The following SLC37A3 variants were observed in gnomAD, a reference collection of about 807,000 sequenced individuals.
SLC37A3 encodes the protein solute carrier family 37 member 3.
In SLC37A3, 51 loss-of-function variants were observed where a neutral mutation model predicts 67.1. The observed-to-expected ratio is 0.76, with a 90% CI of 0.61 to 0.96. The LOEUF is 0.96. Among genes scored for constraint, SLC37A3 ranks in the 40% least tolerant of loss-of-function variants. The probability of loss-of-function intolerance (pLI) is 0.00; values close to 1 mark genes in which losing one functional copy is unlikely to be tolerated. For missense variants in SLC37A3, 508 were observed against 603.0 expected (o/e 0.84, Z 1.65); for synonymous variants, 214 against 231.4 (o/e 0.92, Z 0.68).
chr7:140,355,457 G>A (rs770384954), intron 7 of SLC37A3, among the ~76,000 whole-genome samples: 4 of 150,950 alleles, frequency 2.6e-5, no homozygotes, highest in Non-Finnish European at 3.0e-5. Context: ...CGGCTGATCC[G>A]CCTGCCTTGG....
chr7:140,362,808 C>A (rs563898678), intron 5 of SLC37A3, among the ~76,000 whole-genome samples: 1 of 85,754 alleles, frequency 1.2e-5, no homozygotes, highest in African/African-American at 4.3e-5. Context: ...CCAGCCGCCC[C>A]GTCCCGGAGG....
intron 5 of SLC37A3, among the ~76,000 whole-genome samples, chr7:140,364,013 T>C (rs1797493637): frequency 6.6e-6 from 1 of 152,148 alleles, no homozygotes; most frequent in South Asian, 2.1e-4. Context: ...TCCCAGCACT[T>C]TGGGAGGCCA....
Position 140,337,338 on chromosome 7 carries a change from A to G in SLC37A3, c.1338T>C (p.Ser446=). 6.3e-7 allele frequency: 1 copy of G among 1,599,210 alleles called. No homozygotes were observed. Among genetic ancestry groups the G allele is most frequent in the South Asian group, 1.1e-5 (1 of 87,882 alleles). Residue 446 remains serine (S), a synonymous_variant, in exon 14 of 15, where the codon TCT becomes TCC. Coordinates refer to ENST00000326232, the MANE Select transcript of SLC37A3 (RefSeq NM_207113.3). ...TCCATCCTAGCTTGTCCCGGATCAG[A>G]GACACTAAATACTGAAAGGGAGGAA... ...IGAAVGQYLV[S]LIRDKLGWMW...
chr7:140,340,076 GAAGTCACAGCTC>G (rs1796300411), intron 13 of SLC37A3, among the ~76,000 whole-genome samples: 1 of 152,152 alleles, frequency 6.6e-6, no homozygotes, highest in Non-Finnish European at 1.5e-5. Flanking sequence ...TAGTAAGCAT[GAAGTCACAGCTC>G]ACTGTGTTTT....
At chr7:140,372,862 C>CA (rs765302688) in intron 3 of SLC37A3, among the ~76,000 whole-genome samples, 3,941 of 129,676 alleles carry the variant, frequency 0.03, 61 homozygotes, top group Non-Finnish European at 0.04. Context: ...GACTCTATCT[C>CA]AAAAAAAAAA....
At chr7:140,386,734 A>G (rs1300716343) in intron 1 of SLC37A3, 2 of 152,148 alleles carry the variant, frequency 1.3e-5, no homozygotes, top group Non-Finnish European at 2.9e-5. Flanking sequence ...AATTCACTGT[A>G]GCTTGTCATT....
intron 1 of SLC37A3, among the ~76,000 whole-genome samples, chr7:140,384,727 C>T (rs1016795254): frequency 2.0e-5 from 3 of 151,634 alleles, no homozygotes; most frequent in African/African-American, 7.3e-5. Context: ...TGCCCCCCGC[C>T]GCACCAAAAA....
At chr7:140,366,205 C>G (rs571781441) in intron 4 of SLC37A3, among the ~76,000 whole-genome samples, 1 of 151,974 alleles carries the variant, frequency 6.6e-6, no homozygotes, top group African/African-American at 2.4e-5. Flanking sequence ...TCAGACACCA[C>G]GCCCAGCCAA....
chr7:140,346,023 C>T, intron 10 of SLC37A3, 53 bp from the exon 11 acceptor site: 1 of 1,290,232 alleles, frequency 7.8e-7, no homozygotes, highest in Non-Finnish European at 1.1e-6. Context: ...GCTCGCTCAC[C>T]TGAGGCGTGC....
chr7:140,350,961 GGC>G (rs1796768862), intron 9 of SLC37A3, among the ~76,000 whole-genome samples: 1 of 152,066 alleles, frequency 6.6e-6, no homozygotes, highest in African/African-American at 2.4e-5. Context: ...GGCCAAGTCT[GGC>G]CACGTCTAAC....
intron 1 of SLC37A3, among the ~76,000 whole-genome samples, chr7:140,391,438 C>T (rs1432255745): frequency 6.6e-6 from 1 of 152,208 alleles, no homozygotes; most frequent in Non-Finnish European, 1.5e-5. Flanking sequence ...GCCTTGTAAT[C>T]CCAGCTACTT....
intron 6 of SLC37A3, among the ~76,000 whole-genome samples, chr7:140,358,284 G>A (rs1214307820): frequency 6.6e-6 from 1 of 152,110 alleles, no homozygotes; most frequent in Non-Finnish European, 1.5e-5. Context: ...AAAAAGGGCA[G>A]GGAAGGCAAA....
At chr7:140,361,492 T>A (rs1283123990) in intron 5 of SLC37A3, among the ~76,000 whole-genome samples, 11 of 44,088 alleles carry the variant, frequency 2.5e-4, no homozygotes, top group African/African-American at 1.6e-3. Context: ...ACACAGCCTC[T>A]CCCTCCCCCT....
At chr7:140,338,502 C>T (rs143188074) in intron 13 of SLC37A3, among the ~76,000 whole-genome samples, 9,313 of 152,124 alleles carry the variant, frequency 0.061, 531 homozygotes, top group African/African-American at 0.15. Flanking sequence ...GATGGAGTCT[C>T]GCTCTGTCAC....
rs1385999051 is a variant in SLC37A3, at chr7:140,335,306, T to C, written c.*106A>G. The C allele has an allele frequency of 6.2e-7, 1 of 1,614,116 alleles. No individual in the cohort carries two copies. Among genetic ancestry groups the C allele is most frequent in the South Asian group, 1.1e-5 (1 of 91,078 alleles). On this transcript the variant is annotated 3_prime_UTR_variant, in exon 15 of 15. Transcript: ENST00000326232. ...GGCAGTGTTGAGAGACGCCTGACAA[T>C]CCAAGATCAGGCTGGAGCTCCTAGA... is the stretch of plus-strand genomic sequence containing the variant.
chr7:140,365,314 G>A (rs1468236607), intron 4 of SLC37A3, among the ~76,000 whole-genome samples: 1 of 152,112 alleles, frequency 6.6e-6, no homozygotes, highest in Non-Finnish European at 1.5e-5. Context: ...CTAAAACTTG[G>A]CTGGGCGTGG....
intron 6 of SLC37A3, among the ~76,000 whole-genome samples, chr7:140,356,219 A>T (rs1797024569): frequency 6.6e-6 from 1 of 152,022 alleles, no homozygotes; most frequent in African/African-American, 2.4e-5. Context: ...AAAACAAAAA[A>T]ATCCAGAATA....
At chr7:140,363,853 G>A (rs926583104) in intron 5 of SLC37A3, among the ~76,000 whole-genome samples, 4 of 152,072 alleles carry the variant, frequency 2.6e-5, no homozygotes, top group African/African-American at 7.2e-5. Flanking sequence ...TGATGGGAAG[G>A]CAGGCTGGGG....
At chr7:140,358,255 TTAAA>T (rs746735890) in intron 6 of SLC37A3, among the ~76,000 whole-genome samples, 1 of 151,934 alleles carries the variant, frequency 6.6e-6, no homozygotes, top group Non-Finnish European at 1.5e-5. Flanking sequence ...TGTAAAAAGG[TTAAA>T]TAAGATCACT....
Sources: allele counts gnomAD v4.1 joint callset (sites outside exome capture counted in the v4.1 genomes callset), GRCh38; gene constraint gnomAD v4.1.1; transcripts MANE v1.5; gene names NCBI Gene and HGNC (gene_info 2026-07-23, HGNC 2026-07-21).